Variants in MAN1A1 observed in about 807,000 individuals in gnomAD.
MAN1A1 encodes mannosidase alpha class 1A member 1, also known as mannosyl-oligosaccharide 1,2-alpha-mannosidase IA.
A neutral mutation model predicts 70.8 loss-of-function variants in MAN1A1; 29 were observed. The observed-to-expected ratio is 0.41, with a 90% CI of 0.31 to 0.56. The LOEUF (loss-of-function observed/expected upper bound fraction) is 0.56, where lower values mean the gene tolerates loss of function less well. Ranked by LOEUF, MAN1A1 falls within the 20% of genes least tolerant of loss-of-function variation. The probability of loss-of-function intolerance (pLI) is 0.29; values close to 1 mark genes in which losing one functional copy is unlikely to be tolerated. For missense variants in MAN1A1, 747 were observed against 841.3 expected (o/e 0.89, Z 1.39); for synonymous variants, 349 against 330.1 (o/e 1.06, Z -0.62).
intron 6 of MAN1A1, among the ~76,000 whole-genome samples, chr6:119,227,872 A>G (rs905261873): frequency 6.6e-6 from 1 of 152,236 alleles, no homozygotes; most frequent in Non-Finnish European, 1.5e-5. Context: ...CAGAAAAAAG[A>G]AACTGTTTTA....
intron 2 of MAN1A1, among the ~76,000 whole-genome samples, chr6:119,307,950 C>T (rs919078097): frequency 1.3e-5 from 2 of 152,122 alleles, no homozygotes; most frequent in Non-Finnish European, 2.9e-5. Flanking sequence ...ACAAAGTTTT[C>T]ATATGTTCCT....
intron 10 of MAN1A1, among the ~76,000 whole-genome samples, chr6:119,189,294 A>C (rs2114932086): frequency 6.6e-6 from 1 of 152,188 alleles, no homozygotes; most frequent in African/African-American, 2.4e-5. Flanking sequence ...ATAAGAAGGG[A>C]GTGGGATTCA....
At chr6:119,310,877 A>G (rs889175830) in intron 2 of MAN1A1, among the ~76,000 whole-genome samples, 7 of 152,164 alleles carry the variant, frequency 4.6e-5, no homozygotes, top group African/African-American at 1.4e-4. Flanking sequence ...AATGTTGGTG[A>G]ATCATCTTCC....
At chr6:119,341,923 C>A (rs1209946282) in intron 2 of MAN1A1, among the ~76,000 whole-genome samples, 3 of 151,860 alleles carry the variant, frequency 2.0e-5, no homozygotes, top group Non-Finnish European at 4.4e-5. Context: ...TGAAACCAGC[C>A]CGGGAAATAT....
At position 119,275,322 on chromosome 6, in the gene MAN1A1, T is replaced by C. The variant is rs1408862389; in HGVS notation, c.897+15361A>G. Reference sequence around the variant, plus strand: ...TTTTTTTTTTTTTTTTTTTTTTTTTTTTGAGACGGAGTCTCGCTCTGTCGC... The same window carrying C: ...TTTTTTTTTTTTTTTTTTTTTTTTTCTTGAGACGGAGTCTCGCTCTGTCGC... On this transcript the variant is annotated intron_variant, in intron 5 of 12. Transcript: ENST00000368468. Among the ~76,000 whole-genome samples the C allele has an allele frequency of 5.9e-3, 389 of 65,554 alleles. 16 individuals carry two copies. The highest frequency in any genetic ancestry group is 0.021 in the African/African-American group (370 of 17,472). 43.0% of individuals were successfully genotyped at this position (65,554 alleles called of 152,430 possible).
At chr6:119,268,564 A>G (rs1775822377) in intron 5 of MAN1A1, among the ~76,000 whole-genome samples, 1 of 152,022 alleles carries the variant, frequency 6.6e-6, no homozygotes, top group Non-Finnish European at 1.5e-5. Context: ...CTTGAAACCA[A>G]GGTAACTGGC....
In MAN1A1 at chr6:119,179,859, AG is replaced by A; in HGVS notation, c.1921del (p.Leu641SerfsTer44). On this transcript the variant is annotated frameshift_variant, in exon 13 of 13. Coordinates refer to ENST00000368468, the MANE Select transcript of MAN1A1 (RefSeq NM_005907.4). LOFTEE classifies it high-confidence loss of function. ...TTCAACTTCCTTTTTATCTTTAGGG[AG>A]GATAGGGAGAAGATGTGCCTCGCTA... The part of the protein sequence containing the change: ...FNSEAHLLPI[L>X]PKDKKEVEIR... 1 of 1,612,746 alleles carries A rather than the reference AG, an allele frequency of 6.2e-7. No homozygotes were observed. Among genetic ancestry groups the A allele is most frequent in the Non-Finnish European group, 8.5e-7 (1 of 1,178,872 alleles).
chr6:119,255,620 A>T (rs1034741978), intron 5 of MAN1A1, among the ~76,000 whole-genome samples: 1 of 152,220 alleles, frequency 6.6e-6, no homozygotes, highest in South Asian at 2.1e-4. Context: ...TAGTTCCATA[A>T]TCTGATACAC....
At chr6:119,295,546 C>A (rs1293539029) in intron 4 of MAN1A1, among the ~76,000 whole-genome samples, 1 of 152,068 alleles carries the variant, frequency 6.6e-6, no homozygotes, top group African/African-American at 2.4e-5. Context: ...TGATTCCATA[C>A]AGCATGACAG....
At chr6:119,238,688 T>G (rs1774921647) in intron 6 of MAN1A1, among the ~76,000 whole-genome samples, 1 of 152,190 alleles carries the variant, frequency 6.6e-6, no homozygotes, top group Non-Finnish European at 1.5e-5. Context: ...CAAGGTACAT[T>G]AAACTCTCAG....
chr6:119,253,126 A>G (rs936098329), intron 5 of MAN1A1, among the ~76,000 whole-genome samples: 7 of 152,162 alleles, frequency 4.6e-5, no homozygotes, highest in Non-Finnish European at 1.0e-4. Flanking sequence ...TGTGCGACAA[A>G]AAGTGGATTT....
chr6:119,295,793 T>C (rs1455435337), intron 4 of MAN1A1, among the ~76,000 whole-genome samples: 1 of 152,154 alleles, frequency 6.6e-6, no homozygotes, highest in Non-Finnish European at 1.5e-5. Context: ...ACGGGACTAT[T>C]ATCATACATG....
intron 6 of MAN1A1, among the ~76,000 whole-genome samples, chr6:119,214,815 A>AT (rs1774152833): frequency 6.6e-6 from 1 of 152,184 alleles, no homozygotes; most frequent in African/African-American, 2.4e-5. Flanking sequence ...CCACTACAGT[A>AT]TTTTGAAACA....
intron 4 of MAN1A1, among the ~76,000 whole-genome samples, chr6:119,298,449 T>C (rs1562231606): frequency 6.6e-6 from 1 of 151,102 alleles, no homozygotes; most frequent in Admixed American, 6.6e-5. Flanking sequence ...TTTTCAGTGA[T>C]ATAAATTGGA....
chr6:119,348,893 G>C lies in MAN1A1; in HGVS notation c.173C>G (p.Ala58Gly). The change falls in exon 2 of 13, where the codon GCG (alanine) becomes GGG (glycine). Residue 58 changes from alanine (A) to glycine (G), a missense_variant. Ala to Gly is a moderately conservative substitution (Grantham distance 60). Transcript: ENST00000368468. The stretch of plus-strand genomic sequence containing the variant: ...GGAGGAGTCTGGCAGGAAGAAGATC[G>C]CCCCGAAGCAGAGCGTGATGAAGGC... The part of the protein sequence containing the change: ...FSAFITLCFG[A>G]IFFLPDSSKL... 6.5e-7 allele frequency: 1 copy of C among 1,535,252 alleles called. No homozygotes were observed. Among genetic ancestry groups the C allele is most frequent in the Non-Finnish European group, 8.8e-7 (1 of 1,142,384 alleles).
At chr6:119,207,062 C>G (rs1040020252) in intron 6 of MAN1A1, among the ~76,000 whole-genome samples, 3 of 152,156 alleles carry the variant, frequency 2.0e-5, no homozygotes, top group African/African-American at 7.2e-5. Context: ...TACTTTGTAT[C>G]CATGTATTTG....
chr6:119,305,225 G>A lies in MAN1A1; in HGVS notation c.700+1671C>T, dbSNP rs10457354. Among the ~76,000 whole-genome samples the A allele has an allele frequency of 4.3e-3, 647 of 152,182 alleles. 3 individuals carry two copies. Among genetic ancestry groups the A allele is most frequent in the Non-Finnish European group, 6.8e-3 (463 of 67,998 alleles). ...CTAAGAGACCTAGTATATTTTTAAT[G>A]TTCAATAACAAATTTTAAAATCATA... On this transcript the variant is annotated intron_variant, in intron 3 of 12. Coordinates refer to ENST00000368468, the MANE Select transcript of MAN1A1 (RefSeq NM_005907.4).
intron 4 of MAN1A1, among the ~76,000 whole-genome samples, chr6:119,296,005 G>A (rs901125500): frequency 1.3e-5 from 2 of 152,094 alleles, no homozygotes; most frequent in Non-Finnish European, 2.9e-5. Flanking sequence ...CTACCAATAA[G>A]CCTTGCCTAT....
chr6:119,236,501 G>C (rs370729953), intron 6 of MAN1A1, among the ~76,000 whole-genome samples: 7 of 151,848 alleles, frequency 4.6e-5, no homozygotes, highest in Admixed American at 6.6e-5. Flanking sequence ...TGCTGGTGTC[G>C]AACTCCTGAC....
Sources: allele counts gnomAD v4.1 joint callset (sites outside exome capture counted in the v4.1 genomes callset), GRCh38; gene constraint gnomAD v4.1.1; transcripts MANE v1.5; gene names NCBI Gene and HGNC (gene_info 2026-07-23, HGNC 2026-07-21).